Variants in SGCD observed in about 807,000 individuals in gnomAD.
The protein encoded by SGCD is delta-sarcoglycan.
In SGCD, 18 loss-of-function variants were observed where a neutral mutation model predicts 36.6. The ratio of observed to expected loss-of-function variants is 0.49; its 90% CI spans 0.34 to 0.73. The LOEUF (loss-of-function observed/expected upper bound fraction) is 0.73, where lower values mean the gene tolerates loss of function less well. SGCD is among the 30% of genes least tolerant of loss of function. The probability of loss-of-function intolerance (pLI) is 0.01; values close to 1 mark genes in which losing one functional copy is unlikely to be tolerated. For synonymous variants in SGCD, 133 were observed against 130.6 expected (o/e 1.02, Z -0.12); for missense variants, 387 against 346.7 (o/e 1.12, Z -0.92).
At chr5:156,052,057 GA>G (rs1472998015) in intron 1 of SGCD, among the ~76,000 whole-genome samples, 1 of 145,880 alleles carries the variant, frequency 6.9e-6, no homozygotes, top group Non-Finnish European at 1.5e-5. Flanking sequence ...TTTATTGGGT[GA>G]AAAAGGGAAA....
At chr5:156,156,503 A>C (rs1421454182) in intron 3 of SGCD, among the ~76,000 whole-genome samples, 1 of 151,570 alleles carries the variant, frequency 6.6e-6, no homozygotes, top group Non-Finnish European at 1.5e-5. Flanking sequence ...ATGCGCCAGT[A>C]GTCCCAACTA....
At chr5:156,547,421 T>C (rs563773660) in intron 4 of SGCD, among the ~76,000 whole-genome samples, 16 of 151,160 alleles carry the variant, frequency 1.1e-4, no homozygotes, top group African/African-American at 3.4e-4. Flanking sequence ...TACCAAAAGA[T>C]AGAAGAAATG....
At chr5:156,043,128 T>C (rs1185700715) in intron 1 of SGCD, among the ~76,000 whole-genome samples, 1 of 152,172 alleles carries the variant, frequency 6.6e-6, no homozygotes, top group African/African-American at 2.4e-5. Flanking sequence ...GGTTACAATT[T>C]TTACAAAGGC....
At chr5:156,547,957 G>A (rs968748456) in intron 4 of SGCD, among the ~76,000 whole-genome samples, 11 of 152,164 alleles carry the variant, frequency 7.2e-5, no homozygotes, top group African/African-American at 2.7e-4. Context: ...TGATTTGGTA[G>A]CACACAGGGT....
Position 156,435,019 on chromosome 5 carries a change from G to T in SGCD, c.193-73582G>T, listed in dbSNP as rs1255406763. The stretch of plus-strand genomic sequence containing the variant: ...CGTGTCATGTGGACTTTTTTCTTAA[G>T]ATCTGATTATTGTAAAGGAAAGATC... On this transcript the variant is annotated intron_variant, in intron 3 of 8. Transcript: ENST00000337851. Among the ~76,000 whole-genome samples, 8 of 152,246 alleles carry T rather than the reference G, an allele frequency of 5.3e-5. No homozygotes were observed. In the South Asian group the frequency reaches 1.5e-3, roughly 28 times the overall value.
chr5:156,150,950 T>C (rs996494452), intron 3 of SGCD, among the ~76,000 whole-genome samples: 9 of 151,684 alleles, frequency 5.9e-5, no homozygotes, highest in Non-Finnish European at 7.3e-5. Context: ...TCAAGGGCTC[T>C]TAAGATGACT....
At chr5:156,240,024 G>T (rs906309275) in intron 3 of SGCD, among the ~76,000 whole-genome samples, 2 of 152,146 alleles carry the variant, frequency 1.3e-5, no homozygotes, top group East Asian at 3.9e-4. Flanking sequence ...GGCCAAGTCG[G>T]GACTGTGGGG....
chr5:156,516,426 G>A (rs1757170891), intron 4 of SGCD, among the ~76,000 whole-genome samples: 1 of 152,196 alleles, frequency 6.6e-6, no homozygotes, highest in African/African-American at 2.4e-5. Context: ...TGCAGCAGCT[G>A]TACAGAAGAG....
At chr5:156,583,780 A>C (rs1760380635) in intron 4 of SGCD, among the ~76,000 whole-genome samples, 1 of 152,224 alleles carries the variant, frequency 6.6e-6, no homozygotes, top group Admixed American at 6.5e-5. Context: ...ACAGCCTACA[A>C]GTCTGAGTCA....
intron 1 of SGCD, among the ~76,000 whole-genome samples, chr5:155,947,263 A>T (rs1311559040): frequency 6.6e-6 from 1 of 150,382 alleles, no homozygotes; most frequent in East Asian, 2.0e-4. Flanking sequence ...TGACGCTCAC[A>T]TTGTTAGCTT....
At chr5:156,470,598 G>GT (rs1407578930) in intron 3 of SGCD, among the ~76,000 whole-genome samples, 4 of 151,772 alleles carry the variant, frequency 2.6e-5, no homozygotes, top group Non-Finnish European at 5.9e-5. Context: ...GTGGTGTTTG[G>GT]TTTTTTGTCC....
At chr5:156,717,333 A>C (rs568385080) in intron 7 of SGCD, among the ~76,000 whole-genome samples, 1 of 152,246 alleles carries the variant, frequency 6.6e-6, no homozygotes, top group East Asian at 1.9e-4. Context: ...ACTCCCACCC[A>C]ACTCGTGAAT....
chr5:155,825,005 C>T, the SGCD span, among the ~76,000 whole-genome samples: 1 of 152,194 alleles, frequency 6.6e-6, no homozygotes, highest in Admixed American at 6.5e-5. Flanking sequence ...CAAAGGCAGT[C>T]TCTTCCTTCA....
At chr5:156,497,172 TCTCTCTCTCTC>T (rs1312671698) in intron 3 of SGCD, among the ~76,000 whole-genome samples, 8 of 13,944 alleles carry the variant, frequency 5.7e-4, no homozygotes. Context: ...TCTCCTGCAC[TCTCTCTCTCTC>T]TCTCTCTCTC....
intron 3 of SGCD, among the ~76,000 whole-genome samples, chr5:156,196,376 C>T (rs956385956): frequency 6.6e-6 from 1 of 152,192 alleles, no homozygotes; most frequent in Non-Finnish European, 1.5e-5. Context: ...TGCAGCCTTA[C>T]ATATCAGCTG....
chr5:156,247,186 T>C (rs1765459484), intron 3 of SGCD, among the ~76,000 whole-genome samples: 1 of 152,202 alleles, frequency 6.6e-6, no homozygotes, highest in Non-Finnish European at 1.5e-5. Flanking sequence ...CTGAAATTCA[T>C]GAATTGTTAA....
chr5:156,186,710 A>G (rs1042104243), intron 3 of SGCD, among the ~76,000 whole-genome samples: 1 of 152,274 alleles, frequency 6.6e-6, no homozygotes, highest in African/African-American at 2.4e-5. Context: ...TGTGTCTCCA[A>G]GCTAATCTGA....
At chr5:155,747,877 A>G in the SGCD span, among the ~76,000 whole-genome samples, 3 of 152,220 alleles carry the variant, frequency 2.0e-5, no homozygotes, top group African/African-American at 4.8e-5. Flanking sequence ...CTTCTAATCA[A>G]CCAGGGTCCT....
At chr5:155,841,406 T>C in the SGCD span, among the ~76,000 whole-genome samples, 2 of 152,218 alleles carry the variant, frequency 1.3e-5, no homozygotes, top group African/African-American at 4.8e-5. Context: ...TCTCAAACTT[T>C]TGGATTTTTC....
Sources: allele counts gnomAD v4.1 joint callset (sites outside exome capture counted in the v4.1 genomes callset), GRCh38; gene constraint gnomAD v4.1.1; transcripts MANE v1.5; gene names NCBI Gene and HGNC (gene_info 2026-07-23, HGNC 2026-07-21).